Variants in EYS observed in about 807,000 individuals in gnomAD.
EYS encodes EGF-like photoreceptor maintenance factor.
EYS carries 250 observed loss-of-function variants against 282.1 expected under a neutral mutation model. The ratio of observed to expected loss-of-function variants is 0.89; its 90% CI spans 0.80 to 0.98. The LOEUF (loss-of-function observed/expected upper bound fraction) is 0.98, where lower values mean the gene tolerates loss of function less well. Among genes scored for constraint, EYS ranks in the 50% least tolerant of loss-of-function variants. The pLI is 0.00. For synonymous variants in EYS, 1,355 were observed against 1,282.9 expected (o/e 1.06, Z -1.20); for missense variants, 4,016 against 3,709.0 (o/e 1.08, Z -2.15).
intron 12 of EYS, among the ~76,000 whole-genome samples, chr6:65,278,587 A>G (rs1449168882): frequency 1.3e-5 from 2 of 151,808 alleles, no homozygotes; most frequent in Non-Finnish European, 2.9e-5. Flanking sequence ...GCATAAATGT[A>G]TTCACCCCAG....
At chr6:65,312,493 A>G (rs1321042204) in intron 11 of EYS, among the ~76,000 whole-genome samples, 1 of 151,658 alleles carries the variant, frequency 6.6e-6, no homozygotes, top group Non-Finnish European at 1.5e-5. Flanking sequence ...AAAAAAAGAG[A>G]CCTCCCAAAC....
intron 35 of EYS, among the ~76,000 whole-genome samples, chr6:63,910,672 TA>T (rs1202937883): frequency 6.6e-6 from 1 of 152,222 alleles, no homozygotes; most frequent in African/African-American, 2.4e-5. Context: ...AAAACTCTTT[TA>T]AATCATGTTG....
intron 12 of EYS, 82 bp from the exon 13 acceptor site, chr6:65,057,809 C>G: frequency 1.1e-6 from 1 of 928,004 alleles, no homozygotes; most frequent in South Asian, 1.4e-5. Flanking sequence ...TTGCACAAGC[C>G]TTTAATCCAC....
intron 12 of EYS, among the ~76,000 whole-genome samples, chr6:65,254,242 A>T (rs1767402522): frequency 6.6e-6 from 1 of 151,836 alleles, no homozygotes; most frequent in South Asian, 2.1e-4. Context: ...ACCAGTGCAC[A>T]CATAGAAAAC....
intron 14 of EYS, among the ~76,000 whole-genome samples, chr6:64,957,078 AC>A (rs1769734506): frequency 6.6e-6 from 1 of 152,016 alleles, no homozygotes; most frequent in Non-Finnish European, 1.5e-5. Context: ...CTGGGTATAC[AC>A]CCCCCAAATG....
intron 22 of EYS, among the ~76,000 whole-genome samples, chr6:64,761,674 T>G (rs958380288): frequency 6.6e-6 from 1 of 152,046 alleles, no homozygotes; most frequent in African/African-American, 2.4e-5. Context: ...CCAGGATGGT[T>G]TCTATCTACT....
At chr6:63,814,293 T>A (rs1771123207) in intron 36 of EYS, among the ~76,000 whole-genome samples, 1 of 152,226 alleles carries the variant, frequency 6.6e-6, no homozygotes, top group Non-Finnish European at 1.5e-5. Context: ...GATGGTAGCC[T>A]GCACAGAAAA....
intron 12 of EYS, among the ~76,000 whole-genome samples, chr6:65,188,764 C>CAAAA (rs777137794): frequency 0.3 from 23,322 of 78,174 alleles, 2,457 homozygotes; most frequent in African/African-American, 0.34. Context: ...TTATTGCATG[C>CAAAA]AAAAAAAAAA....
intron 12 of EYS, among the ~76,000 whole-genome samples, chr6:65,241,173 T>C (rs1157468284): frequency 6.6e-6 from 1 of 152,170 alleles, no homozygotes; most frequent in Non-Finnish European, 1.5e-5. Context: ...TGATTCAGTC[T>C]TCTTCCTTTC....
intron 26 of EYS, among the ~76,000 whole-genome samples, chr6:64,566,881 C>T (rs1765582322): frequency 6.6e-6 from 1 of 152,154 alleles, no homozygotes; most frequent in Non-Finnish European, 1.5e-5. Context: ...TCACATGATT[C>T]TCCTGCCTCA....
intron 2 of EYS, among the ~76,000 whole-genome samples, chr6:65,590,567 C>T (rs1582491805): frequency 1.3e-5 from 2 of 151,952 alleles, no homozygotes; most frequent in East Asian, 3.9e-4. Flanking sequence ...CAACAGAACA[C>T]TAAACATTAT....
At chr6:64,409,000 A>G (rs1338819) in intron 28 of EYS, among the ~76,000 whole-genome samples, 42,125 of 151,850 alleles carry the variant, frequency 0.28, 5,966 homozygotes, top group East Asian at 0.46. Context: ...TTTGTTTCCA[A>G]GTGTACTCAT....
At chr6:64,254,883 T>C (rs1767339390) in intron 30 of EYS, among the ~76,000 whole-genome samples, 1 of 152,064 alleles carries the variant, frequency 6.6e-6, no homozygotes, top group Non-Finnish European at 1.5e-5. Context: ...TGAAATTACA[T>C]ATAGAAGCAA....
chr6:64,296,859 C>T (rs1264863943), intron 30 of EYS, among the ~76,000 whole-genome samples: 1 of 152,040 alleles, frequency 6.6e-6, no homozygotes, highest in Non-Finnish European at 1.5e-5. Context: ...ACTGCCTGGG[C>T]CTCCCAAAGT....
chr6:64,919,089 GTTC>G (rs1768254641), intron 15 of EYS, among the ~76,000 whole-genome samples: 1 of 152,212 alleles, frequency 6.6e-6, no homozygotes, highest in African/African-American at 2.4e-5. Flanking sequence ...GCAGGAAAGA[GTTC>G]TACTAGGCAG....
At chr6:64,409,668 C>A (rs961830968) in intron 28 of EYS, among the ~76,000 whole-genome samples, 1 of 151,998 alleles carries the variant, frequency 6.6e-6, no homozygotes, top group South Asian at 2.1e-4. Flanking sequence ...TTATTTTGGG[C>A]GCATTGGCTT....
intron 14 of EYS, among the ~76,000 whole-genome samples, chr6:64,971,635 A>G (rs1317217443): frequency 1.3e-5 from 2 of 152,148 alleles, no homozygotes; most frequent in East Asian, 3.9e-4. Flanking sequence ...ACATGCCCCT[A>G]GCCACTGACA....
chr6:65,379,459 A>G (rs1238266957), intron 8 of EYS, among the ~76,000 whole-genome samples: 4 of 152,094 alleles, frequency 2.6e-5, no homozygotes, highest in Non-Finnish European at 5.9e-5. Flanking sequence ...TGTTGGTGGA[A>G]CATATATCAA....
At chr6:64,949,761 T>C (rs1769420818) in intron 14 of EYS, among the ~76,000 whole-genome samples, 1 of 151,882 alleles carries the variant, frequency 6.6e-6, no homozygotes, top group Non-Finnish European at 1.5e-5. Context: ...AATTTTGCCT[T>C]TAATATCTAC....
Sources: gnomAD v4.1 joint callset for allele counts (sites outside exome capture counted in the v4.1 genomes callset) on GRCh38, gnomAD v4.1.1 for gene constraint, MANE v1.5 for transcripts, NCBI Gene and HGNC (gene_info 2026-07-23, HGNC 2026-07-21) for gene names.